The following CP variants were observed in gnomAD, a reference collection of about 807,000 sequenced individuals.
CP encodes the protein ceruloplasmin.
CP carries 64 observed loss-of-function variants against 122.4 expected under a neutral mutation model. The observed-to-expected ratio is 0.52, with a 90% CI of 0.43 to 0.64. The LOEUF is 0.64. CP is among the 30% of genes least tolerant of loss of function. The probability of loss-of-function intolerance (pLI) is 0.00; values close to 1 mark genes in which losing one functional copy is unlikely to be tolerated. For synonymous variants in CP, 440 were observed against 436.4 expected (o/e 1.01, Z -0.10); for missense variants, 1,167 against 1,284.4 (o/e 0.91, Z 1.40).
At chr3:149,176,796 T>G (rs546295626) in intron 17 of CP, 1 of 162,126 alleles carries the variant, frequency 6.2e-6, no homozygotes, top group African/African-American at 2.4e-5. Flanking sequence ...TCTGAAGCTT[T>G]AAGTCAAGGT....
chr3:149,192,148 A>C (rs1406667965), intron 9 of CP, among the ~76,000 whole-genome samples: 1 of 152,126 alleles, frequency 6.6e-6, no homozygotes, highest in Non-Finnish European at 1.5e-5. Flanking sequence ...ACATGTATTT[A>C]AAACTTTACA....
rs1234827603 is a variant in CP at position 149,209,247 on chromosome 3, C to T, written c.745G>A (p.Asp249Asn). The T allele has an allele frequency of 6.2e-7, 1 of 1,613,600 alleles. No individual in the cohort carries two copies. Among genetic ancestry groups the T allele is most frequent in the East Asian group, 2.2e-5 (1 of 44,828 alleles). ...YCSEPEKVDK[D>N]NEDFQESNRM... is the part of the protein sequence containing the mutation. ...TTACTCTCCTGGAAGTCTTCGTTGTCTTTGTCAACTTTCTCTGGTTCTGAG... is the reference window on the plus strand; with the variant it reads ...TTACTCTCCTGGAAGTCTTCGTTGTTTTTGTCAACTTTCTCTGGTTCTGAG... Residue 249 changes from aspartate to asparagine, a missense_variant, in exon 4 of 19, where the codon GAC (aspartate) becomes AAC (asparagine). Around this residue, in one of 2 missense-constraint regions of CP, gnomAD observed 642 missense variants for 627.3 expected, o/e 1.02. Coordinates refer to ENST00000264613, the MANE Select transcript of CP (RefSeq NM_000096.4).
In CP at chr3:149,202,087, T is replaced by A. The variant is rs1431479649; in HGVS notation, c.1348+15A>T. ...GGAAGAGTAAACCAGCCATATATAT[T>A]CTGCAAGAACTCACCCAGGATGCCA... On this transcript the variant is annotated intron_variant, in intron 7 of 18. Coordinates refer to ENST00000264613, the MANE Select transcript of CP (RefSeq NM_000096.4). The A allele has an allele frequency of 1.2e-6, 2 of 1,613,866 alleles. No homozygotes were observed. Among genetic ancestry groups the A allele is most frequent in the East Asian group, 4.5e-5 (2 of 44,896 alleles).
chr3:149,212,424 A>C, intron 2 of CP, 27 bp downstream of exon 2: 1 of 1,613,290 alleles, frequency 6.2e-7, no homozygotes, highest in Non-Finnish European at 8.5e-7. Context: ...AGTAAGAGGA[A>C]ATTCCAGCTA....
chr3:149,190,142 A>T (rs1576748355), intron 9 of CP, among the ~76,000 whole-genome samples: 2 of 152,340 alleles, frequency 1.3e-5, no homozygotes, highest in East Asian at 3.9e-4. Context: ...TAAATCCAAA[A>T]ATATATTATG....
intron 15 of CP, among the ~76,000 whole-genome samples, chr3:149,178,836 T>C (rs1194048332): frequency 1.3e-5 from 2 of 152,152 alleles, no homozygotes; most frequent in Non-Finnish European, 2.9e-5. Flanking sequence ...GTCATGTGGG[T>C]GATGCTGACA....
chr3:149,178,708 G>T, intron 15 of CP, 77 bp from the exon 16 acceptor site: 1 of 1,078,332 alleles, frequency 9.3e-7, no homozygotes. Context: ...TGCACCCAGG[G>T]CCTCAGGAAT....
chr3:149,181,980 C>CCACCA, intron 14 of CP, 25 bp downstream of exon 14: 1 of 515,890 alleles, frequency 1.9e-6, no homozygotes, highest in Non-Finnish European at 3.7e-6. Flanking sequence ...AAATGCACCA[C>CCACCA]CCCCACCCCC....
chr3:149,178,592 GACAA>G lies in CP; in HGVS notation c.2697_2700del (p.Cys900GlufsTer5). The G allele has an allele frequency of 6.2e-7, 1 of 1,613,208 alleles. No homozygotes were observed. The highest frequency in any genetic ancestry group is 8.5e-7 in the Non-Finnish European group (1 of 1,179,508). ...TTGAATACTTTCAAGTAAGGTCTTC[GACAA>G]ACAATCAGGGGGCCAATTAATCCAC... On this transcript the variant is annotated frameshift_variant, in exon 16 of 19. Coordinates refer to ENST00000264613, the MANE Select transcript of CP (RefSeq NM_000096.4). LOFTEE classifies it high-confidence loss of function.
At chr3:149,178,237 G>A (rs1290769630) in intron 16 of CP, among the ~76,000 whole-genome samples, 178 bp downstream of exon 16, 2 of 152,110 alleles carry the variant, frequency 1.3e-5, no homozygotes, top group African/African-American at 4.8e-5. Flanking sequence ...AAATAAATTA[G>A]CAAATGATTT....
At chr3:149,203,831 C>T (rs989055917) in intron 6 of CP, among the ~76,000 whole-genome samples, 2 of 152,136 alleles carry the variant, frequency 1.3e-5, no homozygotes, top group Non-Finnish European at 2.9e-5. Context: ...AGAAGACAGG[C>T]CATGAACCCA....
intron 1 of CP, among the ~76,000 whole-genome samples, chr3:149,217,064 C>G (rs760364041): frequency 6.6e-6 from 1 of 152,000 alleles, no homozygotes; most frequent in Non-Finnish European, 1.5e-5. Flanking sequence ...CCACACCTAG[C>G]TAATTTTTGT....
chr3:149,201,541 G>C (rs1396762135), intron 7 of CP, among the ~76,000 whole-genome samples: 1 of 151,926 alleles, frequency 6.6e-6, no homozygotes, highest in Non-Finnish European at 1.5e-5. Flanking sequence ...TTACCTCTTT[G>C]AAGAAAAAAA....
intron 4 of CP, 29 bp downstream of exon 4, chr3:149,209,182 T>G: frequency 6.2e-7 from 1 of 1,613,118 alleles, no homozygotes; most frequent in Non-Finnish European, 8.5e-7. Context: ...GAAAAAAAAG[T>G]AAAGTTAACA....
At chr3:149,213,369 A>G (rs901482810) in intron 1 of CP, among the ~76,000 whole-genome samples, 3 of 152,244 alleles carry the variant, frequency 2.0e-5, no homozygotes. Flanking sequence ...GTGAATGTCC[A>G]TTAATAGTTG....
At chr3:149,200,072 T>C (rs1445190024) in intron 7 of CP, 2 of 572,934 alleles carry the variant, frequency 3.5e-6, no homozygotes, top group Non-Finnish European at 6.2e-6. Flanking sequence ...TTAATTCAAC[T>C]TCAGATTAAT....
chr3:149,214,427 A>C (rs1728322865), intron 1 of CP, among the ~76,000 whole-genome samples: 1 of 152,152 alleles, frequency 6.6e-6, no homozygotes, highest in Non-Finnish European at 1.5e-5. Context: ...TGGGAATACC[A>C]ATTTTCCTGA....
rs1053709 is a variant in CP at position 149,186,647 on chromosome 3, T to G, written c.1950A>C (p.Gly650=). The change falls in exon 11 of 19, where the codon GGA becomes GGC. Residue 650 remains glycine (G), a synonymous_variant. Transcript: ENST00000264613. Reference sequence around the variant, plus strand: ...ATATTCCATGTACATCGGCCTCATTTCCGGCGCTGAATAAGTACCACACGA... The same window carrying G: ...ATATTCCATGTACATCGGCCTCATTGCCGGCGCTGAATAAGTACCACACGA... ...DSVVWYLFSA[G]NEADVHGIYF... is the part of the protein sequence containing the mutation. 89,802 of 1,614,152 alleles carry G rather than the reference T, an allele frequency of 0.056. 2,832 individuals carry two copies. Among genetic ancestry groups the G allele is most frequent in the Middle Eastern group, 0.066 (401 of 6,062 alleles).
intron 14 of CP, 29 bp downstream of exon 14, chr3:149,181,976 A>G: frequency 3.2e-5 from 18 of 561,504 alleles, no homozygotes; most frequent in Non-Finnish European, 5.7e-5. Context: ...GTTAAAATGC[A>G]CCACCCCCAC....
Sources: allele counts gnomAD v4.1 joint callset (sites outside exome capture counted in the v4.1 genomes callset), GRCh38; gene constraint gnomAD v4.1.1; regional missense constraint gnomAD v4.1.1; transcripts MANE v1.5; gene names NCBI Gene and HGNC (gene_info 2026-07-23, HGNC 2026-07-21).